Variants in HMG20B observed in about 807,000 individuals in gnomAD.
HMG20B encodes the protein high mobility group 20B.
In HMG20B, 24 loss-of-function variants were observed where a neutral mutation model predicts 41.6. The ratio of observed to expected loss-of-function variants is 0.58; its 90% CI spans 0.42 to 0.81. HMG20B has a LOEUF of 0.81. HMG20B is among the 30% of genes least tolerant of loss of function. The pLI is 0.00. For synonymous variants in HMG20B, 251 were observed against 186.6 expected (o/e 1.34, Z -2.81); for missense variants, 461 against 444.0 (o/e 1.04, Z -0.34).
At position 3,573,057 on chromosome 19, in the gene HMG20B, G is replaced by C. The variant is rs1288757364; in HGVS notation, c.-19+63G>C. 8.8e-6 allele frequency: 4 copies of C among 453,004 alleles called. No homozygotes were observed. In the East Asian group the frequency reaches 1.1e-4, roughly 12 times the overall value. 28.1% of individuals were successfully genotyped at this position (453,004 alleles called of 1,614,324 possible). A position where few individuals can be genotyped will look rare whatever the true frequency, so the allele number is the denominator to read the frequency against. On this transcript the variant is annotated intron_variant, in intron 1 of 9. Coordinates refer to ENST00000333651, the MANE Select transcript of HMG20B (RefSeq NM_006339.3). ...GCGGGGGTGCAGGGGTCCCAGGGCC[G>C]GGCCGGGGTCTTTCCTGGCCCGGGG...
At chr19:3,575,770 T>C in intron 5 of HMG20B, 110 bp downstream of exon 5, 8 of 870,880 alleles carry the variant, frequency 9.2e-6, no homozygotes, top group African/African-American at 1.7e-5. Flanking sequence ...AGTGAAACCC[T>C]CCCCCTCTAC....
intron 3 of HMG20B, 194 bp downstream of exon 3, chr19:3,573,994 C>T (rs1363764795): frequency 4.3e-6 from 3 of 702,656 alleles, no homozygotes; most frequent in Admixed American, 4.2e-5. Flanking sequence ...GCCCCGCCCA[C>T]CGCACAATGC....
chr19:3,573,843 G>T (rs2032096276), intron 3 of HMG20B, 43 bp downstream of exon 3: 3 of 1,509,664 alleles, frequency 2.0e-6, no homozygotes, highest in Non-Finnish European at 2.7e-6. Flanking sequence ...CCGGGCTCCC[G>T]CCCCAGCCTC....
At chr19:3,576,851 A>C (rs375151941) in intron 7 of HMG20B, 41 bp from the exon 8 acceptor site, 1 of 1,545,076 alleles carries the variant, frequency 6.5e-7, no homozygotes, top group East Asian at 2.4e-5. Flanking sequence ...AGGTAGGGGA[A>C]AGGGGAGGCG....
At chr19:3,575,144 C>T (rs1243825264) in intron 4 of HMG20B, among the ~76,000 whole-genome samples, 4 of 152,148 alleles carry the variant, frequency 2.6e-5, no homozygotes, top group Non-Finnish European at 4.4e-5. Flanking sequence ...ATTTTCATAT[C>T]CTGTTAGTTT....
At chr19:3,573,869 G>C in intron 3 of HMG20B, 69 bp downstream of exon 3, 1 of 1,399,696 alleles carries the variant, frequency 7.1e-7, no homozygotes, top group Non-Finnish European at 9.9e-7. Flanking sequence ...CCCGCCCCAG[G>C]CTGGATTTGA....
rs1433407276 is a variant in HMG20B at position 3,578,532 on chromosome 19, G to C, written c.*11G>C. On this transcript the variant is annotated 3_prime_UTR_variant, in exon 10 of 10. Coordinates refer to ENST00000333651, the MANE Select transcript of HMG20B (RefSeq NM_006339.3). ...AGCGAGCACCTGTGAGGAGTGGGCG[G>C]GCCCACGATGCAGAGGAGAAGCTGT... 1 of 1,570,174 alleles carries C rather than the reference G, an allele frequency of 6.4e-7. No individual in the cohort carries two copies. The highest frequency in any genetic ancestry group is 8.6e-7 in the Non-Finnish European group (1 of 1,158,896).
intron 8 of HMG20B, 53 bp downstream of exon 8, chr19:3,577,160 C>T (rs1568273117): frequency 5.9e-6 from 7 of 1,191,832 alleles, no homozygotes; most frequent in African/African-American, 1.9e-5. Flanking sequence ...GCCCCGCCCG[C>T]CTCCCCCCCC....
In HMG20B at chr19:3,573,367, C is replaced by A; in HGVS notation, c.38+20C>A. 6.6e-7 allele frequency: 1 copy of A among 1,520,178 alleles called. No individual in the cohort carries two copies. Among genetic ancestry groups the A allele is most frequent in the Non-Finnish European group, 8.8e-7 (1 of 1,133,582 alleles). The allele number at this position is 1,520,178 out of a possible 1,614,324, so 94.2% of individuals were successfully genotyped here. A position where few individuals can be genotyped will look rare whatever the true frequency, so the allele number is the denominator to read the frequency against. On this transcript the variant is annotated intron_variant, in intron 2 of 9. Transcript: ENST00000333651. The stretch of plus-strand genomic sequence containing the variant: ...CGCCGCGTGAGTGCACTGATCCCCT[C>A]CCCACGCCCTCGCTACTTTCCCGGC...
At chr19:3,574,734 T>G in intron 4 of HMG20B, 148 bp downstream of exon 4, 3 of 670,336 alleles carry the variant, frequency 4.5e-6, no homozygotes, top group Non-Finnish European at 7.3e-6. Context: ...TTTTTTTTTT[T>G]GTGAGATGGA....
chr19:3,578,073 CTCA>C lies in HMG20B; in HGVS notation c.904_906del (p.Ile302del). The C allele has an allele frequency of 6.2e-7, 1 of 1,611,506 alleles. No individual in the cohort carries two copies. The stretch of plus-strand genomic sequence containing the variant: ...GCGCGACCCCGCCCAGCACGAGAAG[CTCA>C]TCGTCCGCATCAAGGAAATCCTGGC... On this transcript the variant is annotated inframe_deletion, in exon 9 of 10. Transcript: ENST00000333651.
Position 3,576,944 on chromosome 19 carries a change from G to A in HMG20B, c.645G>A (p.Glu215=), listed in dbSNP as rs1043606356. 2.5e-6 allele frequency: 4 copies of A among 1,584,022 alleles called. No homozygotes were observed. The highest frequency in any genetic ancestry group is 2.7e-5 in the African/African-American group (2 of 74,334). The change falls in exon 8 of 10, where the codon GAG becomes GAA. Residue 215 remains glutamate, a synonymous_variant. Transcript: ENST00000333651. The part of the protein sequence containing the change: ...RLRKMNVAFE[E]QNAVLQRHTQ... ...GGAAGATGAATGTGGCCTTCGAGGA[G>A]CAGAACGCGGTACTGCAGAGGCACA...
Position 3,574,478 on chromosome 19 carries a change from G to A in HMG20B, c.243G>A (p.Leu81=). ...CGGTCACGGGCTACGTGCGCTTCCT[G>A]AACGAGCGGCGCGAGCAGATCCGCA... ...KAPVTGYVRF[L]NERREQIRTR... The change falls in exon 4 of 10, where the codon CTG becomes CTA. Residue 81 remains leucine (L), a synonymous_variant. Coordinates refer to ENST00000333651, the MANE Select transcript of HMG20B (RefSeq NM_006339.3). The A allele has an allele frequency of 6.2e-7, 1 of 1,608,878 alleles. No homozygotes were observed. Among genetic ancestry groups the A allele is most frequent in the Non-Finnish European group, 8.5e-7 (1 of 1,178,444 alleles).
chr19:3,573,646 G>C (rs770268691), intron 2 of HMG20B, 46 bp from the exon 3 acceptor site: 2 of 1,437,162 alleles, frequency 1.4e-6, no homozygotes, highest in Non-Finnish European at 1.8e-6. Flanking sequence ...TTTTGGGGGA[G>C]GGGAGATTCT....
chr19:3,578,250 G>A, intron 9 of HMG20B, 137 bp downstream of exon 9: 4 of 1,299,424 alleles, frequency 3.1e-6, no homozygotes, highest in Non-Finnish European at 4.2e-6. Context: ...GGGCCTACCT[G>A]CGGTCGCCCC....
intron 3 of HMG20B, 165 bp from the exon 4 acceptor site, chr19:3,574,218 G>A (rs1028144432): frequency 4.6e-6 from 3 of 659,174 alleles, no homozygotes; most frequent in African/African-American, 3.6e-5. Flanking sequence ...AACCCACCGT[G>A]TCCCGACTGC....
In HMG20B at chr19:3,576,486, G is replaced by A. The variant is rs185306484; in HGVS notation, c.520-67G>A. ...GTCCCAGGAGACCCTCCTAGGCTTG[G>A]GGCACACCCAGAGAGCGTGGCTGCC... is the stretch of plus-strand genomic sequence containing the variant. On this transcript the variant is annotated intron_variant, in intron 6 of 9. Transcript: ENST00000333651. 5 of 1,475,344 alleles carry A rather than the reference G, an allele frequency of 3.4e-6. No homozygotes were observed. In the Admixed American group the frequency reaches 7.1e-5, roughly 21 times the overall value. The allele number at this position is 1,475,344 out of a possible 1,614,324, so 91.4% of individuals were successfully genotyped here.
chr19:3,577,124 T>C lies in HMG20B; in HGVS notation c.808+17T>C. The C allele has an allele frequency of 1.3e-6, 2 of 1,501,300 alleles. No homozygotes were observed. The highest frequency in any genetic ancestry group is 1.8e-6 in the Non-Finnish European group (2 of 1,127,376). The allele number at this position is 1,501,300 out of a possible 1,614,324, so 93.0% of individuals were successfully genotyped here. A position where few individuals can be genotyped will look rare whatever the true frequency, so the allele number is the denominator to read the frequency against. On this transcript the variant is annotated intron_variant, in intron 8 of 9. Coordinates refer to ENST00000333651, the MANE Select transcript of HMG20B (RefSeq NM_006339.3). ...CGGTGCCGGGTGCGGGCCACGCCCA[T>C]CTCCCAGTCCCGCCCCGGTCACCCG... is the stretch of plus-strand genomic sequence containing the variant.
intron 5 of HMG20B, 138 bp downstream of exon 5, chr19:3,575,798 C>T (rs1047193658): frequency 9.8e-5 from 68 of 693,512 alleles, no homozygotes; most frequent in African/African-American, 4.5e-4. Flanking sequence ...ACAAAAATTA[C>T]CTGGGCGTGG....
Sources: gnomAD v4.1 joint callset for allele counts (sites outside exome capture counted in the v4.1 genomes callset) on GRCh38, gnomAD v4.1.1 for gene constraint, MANE v1.5 for transcripts, NCBI Gene and HGNC (gene_info 2026-07-23, HGNC 2026-07-21) for gene names.